The following RASGRP1 variants were observed in gnomAD, a reference collection of about 807,000 sequenced individuals.
RASGRP1 encodes the protein RAS guanyl releasing protein 1.
Under a neutral mutation model 95.1 loss-of-function variants are expected in RASGRP1, and 37 were observed. The observed-to-expected ratio is 0.39, with a 90% CI of 0.30 to 0.51. The LOEUF is 0.51. Ranked by LOEUF, RASGRP1 falls within the 20% of genes least tolerant of loss-of-function variation. The pLI is 0.80. For synonymous variants in RASGRP1, 325 were observed against 353.4 expected, an observed-to-expected ratio of 0.92 and a Z score of 0.90; for missense variants, 711 against 965.4, an observed-to-expected ratio of 0.74 and a Z score of 3.49.
intron 3 of RASGRP1, chr15:38,524,350 AG>A (rs1255427887): frequency 6.6e-6 from 1 of 152,326 alleles, no homozygotes; most frequent in Non-Finnish European, 1.5e-5. Context: ...ACAGAAAGGA[AG>A]CTGAGTAAGA....
Position 38,550,505 on chromosome 15 carries a change from T to C in RASGRP1, c.220+9316A>G, listed in dbSNP as rs139230977. Among the ~76,000 whole-genome samples, 14 of 152,312 alleles carry C rather than the reference T, an allele frequency of 9.2e-5. No homozygotes were observed. In the East Asian group the frequency reaches 2.7e-3, roughly 29 times the overall value. On this transcript the variant is annotated intron_variant, in intron 2 of 16. Coordinates refer to ENST00000310803, the MANE Select transcript of RASGRP1 (RefSeq NM_005739.4). ...GTACTCTTCTTTTCTTGTAATGTCT[T>C]TAATTCCTCATTACCATCATTTCAG... is the stretch of plus-strand genomic sequence containing the variant.
At chr15:38,506,635 C>CA (rs370153317) in intron 9 of RASGRP1, among the ~76,000 whole-genome samples, 23,750 of 70,376 alleles carry the variant, frequency 0.34, 3,172 homozygotes, top group East Asian at 0.62. Flanking sequence ...ACCTTGTCTC[C>CA]AAAAAAAAAA....
Position 38,511,654 on chromosome 15 carries a change from T to C in RASGRP1, c.916A>G (p.Ile306Val), listed in dbSNP as rs1212828880. The change falls in exon 8 of 17, where the codon ATC (isoleucine) becomes GTC (valine). Residue 306 changes from isoleucine (I) to valine (V), a missense_variant. Around this residue, in one of 3 missense-constraint regions of RASGRP1, gnomAD observed 491 missense variants for 676.6 expected, o/e 0.73. Transcript: ENST00000310803. ...AVIGGLCHSS[I>V]SRLKETSSHV... ...GAACTTGTCTCCTTGAGCCTCGAGATTGAGCTGTGACACAGCCCACCTATC... is the reference window on the plus strand; with the variant it reads ...GAACTTGTCTCCTTGAGCCTCGAGACTGAGCTGTGACACAGCCCACCTATC... The C allele has an allele frequency of 2.5e-6, 4 of 1,613,536 alleles. No individual in the cohort carries two copies. The highest frequency in any genetic ancestry group is 1.1e-5 in the South Asian group (1 of 91,082).
chr15:38,497,871 G>T (rs912025416), intron 15 of RASGRP1, among the ~76,000 whole-genome samples: 6 of 152,150 alleles, frequency 3.9e-5, no homozygotes, highest in Admixed American at 2.6e-4. Context: ...GATTTTCCTT[G>T]TATGATTTGG....
intron 2 of RASGRP1, among the ~76,000 whole-genome samples, chr15:38,548,763 T>C (rs1893207957): frequency 6.6e-6 from 1 of 152,230 alleles, no homozygotes; most frequent in Admixed American, 6.5e-5. Flanking sequence ...CTATGACTGT[T>C]TGAAATGTCT....
chr15:38,550,628 G>T (rs568710229), intron 2 of RASGRP1, among the ~76,000 whole-genome samples: 32 of 152,246 alleles, frequency 2.1e-4, no homozygotes, highest in Middle Eastern at 3.4e-3. Context: ...AACCTTGTGT[G>T]CTAGCATACC....
intron 16 of RASGRP1, 85 bp from the exon 17 acceptor site, chr15:38,490,773 C>A: frequency 7.3e-7 from 1 of 1,368,152 alleles, no homozygotes; most frequent in Non-Finnish European, 1.0e-6. Flanking sequence ...TTTTGATTGG[C>A]ATTTCCTATT....
intron 2 of RASGRP1, among the ~76,000 whole-genome samples, chr15:38,535,970 A>G (rs1341949899): frequency 1.3e-5 from 2 of 152,182 alleles, no homozygotes; most frequent in Non-Finnish European, 2.9e-5. Context: ...GGGCTAGGAA[A>G]TAAACAGAAG....
chr15:38,543,159 T>G lies in RASGRP1; in HGVS notation c.220+16662A>C, dbSNP rs150106071. ...TTCTAGAAGACTTATCGTTTTAACTTTACATTCAGGTTAACATTATTTACA... is the reference window on the plus strand; with the variant it reads ...TTCTAGAAGACTTATCGTTTTAACTGTACATTCAGGTTAACATTATTTACA... On this transcript the variant is annotated intron_variant, in intron 2 of 16. Transcript: ENST00000310803. Among the ~76,000 whole-genome samples, 1,007 of 152,190 alleles carry G rather than the reference T, an allele frequency of 6.6e-3. 14 individuals carry two copies. Among genetic ancestry groups the G allele is most frequent in the African/African-American group, 0.023 (949 of 41,536 alleles).
chr15:38,511,748 G>C, intron 7 of RASGRP1, 28 bp from the exon 8 acceptor site: 1 of 1,541,260 alleles, frequency 6.5e-7, no homozygotes, highest in East Asian at 2.3e-5. Context: ...GATGACAGCA[G>C]AGTCACTGTA....
At position 38,512,891 on chromosome 15, in the gene RASGRP1, A is replaced by G; in HGVS notation, c.741T>C (p.Ser247=). The G allele has an allele frequency of 6.2e-7, 1 of 1,610,678 alleles. No homozygotes were observed. Among genetic ancestry groups the G allele is most frequent in the Non-Finnish European group, 8.5e-7 (1 of 1,178,676 alleles). Reference sequence around the variant, plus strand: ...GGGAGATGCCGTTGCACAGAGCAATAGATCGCTCCATGGTGGGGTTTTCCT... The same window carrying G: ...GGGAGATGCCGTTGCACAGAGCAATGGATCGCTCCATGGTGGGGTTTTCCT... ...CVKENPTMER[S]IALCNGISQW... is the part of the protein sequence containing the mutation. Residue 247 remains serine (S), a synonymous_variant, in exon 7 of 17, where the codon TCT becomes TCC. Coordinates refer to ENST00000310803, the MANE Select transcript of RASGRP1 (RefSeq NM_005739.4).
intron 8 of RASGRP1, among the ~76,000 whole-genome samples, chr15:38,508,711 T>A (rs1891368466): frequency 6.6e-6 from 1 of 152,158 alleles, no homozygotes. Context: ...AACCTGGAAG[T>A]GGGAACGGCT....
rs767657623 is a variant in RASGRP1, at chr15:38,494,593, C to T, written c.2048G>A (p.Ser683Asn). 42 of 1,561,876 alleles carry T rather than the reference C, an allele frequency of 2.7e-5. 1 individual carries two copies. In the South Asian group the frequency reaches 4.9e-4, roughly 18 times the overall value. The part of the protein sequence containing the change: ...TQTESQPWIG[S>N]EGPSGPFVLS... ...CACAAAGGGACCTGAAGGGCCCTCA[C>T]TGCCAATCCAAGGCTGTGATTCAGT... Residue 683 changes from serine (S) to asparagine (N), a missense_variant, in exon 16 of 17, where the codon AGT becomes AAT. Physicochemically the swap from Ser to Asn is conservative, Grantham distance 46. Coordinates refer to ENST00000310803, the MANE Select transcript of RASGRP1 (RefSeq NM_005739.4).
intron 16 of RASGRP1, 170 bp downstream of exon 16, chr15:38,494,212 C>G: frequency 1.1e-6 from 1 of 877,162 alleles, no homozygotes; most frequent in Non-Finnish European, 1.8e-6. Context: ...TTCTTCCTTC[C>G]CTCCCTCTCT....
intron 2 of RASGRP1, among the ~76,000 whole-genome samples, chr15:38,553,821 G>A (rs1456639243): frequency 6.6e-6 from 1 of 152,204 alleles, no homozygotes; most frequent in African/African-American, 2.4e-5. Flanking sequence ...CATTAGATCT[G>A]GCTGGATTGT....
rs192509778 is a variant in RASGRP1 at position 38,538,782 on chromosome 15, T to G, written c.221-12378A>C. 3.7e-4 allele frequency among the ~76,000 whole-genome samples: 56 copies of G among 152,236 alleles called. No individual in the cohort carries two copies. In the East Asian group the frequency reaches 8.5e-3, roughly 23 times the overall value. ...ACGCCCACCCCTTCCAACAGAGAGA[T>G]AATCCAGAGATGGCACTCAAGATAA... On this transcript the variant is annotated intron_variant, in intron 2 of 16. Transcript: ENST00000310803.
chr15:38,526,227 A>C, intron 3 of RASGRP1, 72 bp downstream of exon 3: 1 of 1,195,588 alleles, frequency 8.4e-7, no homozygotes, highest in Non-Finnish European at 1.2e-6. Context: ...AAATAAAAGC[A>C]TACTTCAAAT....
intron 2 of RASGRP1, among the ~76,000 whole-genome samples, chr15:38,543,149 C>T (rs962636875): frequency 2.0e-5 from 3 of 151,868 alleles, no homozygotes; most frequent in Non-Finnish European, 4.4e-5. Flanking sequence ...GAAGACTTAT[C>T]GTTTTAACTT....
At chr15:38,536,493 C>G (rs1367914646) in intron 2 of RASGRP1, among the ~76,000 whole-genome samples, 1 of 152,188 alleles carries the variant, frequency 6.6e-6, no homozygotes, top group Non-Finnish European at 1.5e-5. Context: ...TTCAGACATG[C>G]CCAATAGGCA....
Sources: allele counts gnomAD v4.1 joint callset (sites outside exome capture counted in the v4.1 genomes callset), GRCh38; gene constraint gnomAD v4.1.1; regional missense constraint gnomAD v4.1.1; transcripts MANE v1.5; gene names NCBI Gene and HGNC (gene_info 2026-07-23, HGNC 2026-07-21).